Variants in SFI1 observed in about 807,000 individuals in gnomAD.
SFI1 encodes the protein protein SFI1 homolog.
SFI1 carries 195 observed loss-of-function variants against 207.5 expected under a neutral mutation model. The observed-to-expected ratio is 0.94, with a 90% CI of 0.84 to 1.06. The LOEUF (loss-of-function observed/expected upper bound fraction) is 1.06. Ranked by LOEUF, SFI1 falls within the 50% of genes least tolerant of loss-of-function variation. The pLI is 0.00. For missense variants in SFI1, 1,634 were observed against 1,588.0 expected (o/e 1.03, Z -0.49); for synonymous variants, 630 against 598.9 (o/e 1.05, Z -0.76).
At chr22:31,519,106 C>A (rs1358821383) in intron 2 of SFI1, among the ~76,000 whole-genome samples, 1 of 151,982 alleles carries the variant, frequency 6.6e-6, no homozygotes, top group Admixed American at 6.6e-5. Context: ...TTGTAATGCT[C>A]ATAAAAATAC....
In SFI1 at chr22:31,547,036, C is replaced by T. The variant is rs549820553; in HGVS notation, c.449+65C>T. On this transcript the variant is annotated intron_variant, in intron 5 of 32. Coordinates refer to ENST00000400288, the MANE Select transcript of SFI1 (RefSeq NM_001007467.3). ...ACATTATCAGATGATTATTTGTTGGCGTGTTTATGGTCAAAAGAAGCAAAC... is the reference window on the plus strand; with the variant it reads ...ACATTATCAGATGATTATTTGTTGGTGTGTTTATGGTCAAAAGAAGCAAAC... 92 of 1,215,958 alleles carry T rather than the reference C, an allele frequency of 7.6e-5. No homozygotes were observed. Among genetic ancestry groups the T allele is most frequent in the East Asian group, 2.3e-4 (9 of 39,548 alleles). The allele number at this position is 1,215,958 out of a possible 1,614,324, so 75.3% of individuals were successfully genotyped here.
chr22:31,575,700 T>C (rs1488459152), intron 10 of SFI1, among the ~76,000 whole-genome samples: 1 of 152,212 alleles, frequency 6.6e-6, no homozygotes, highest in East Asian at 1.9e-4. Context: ...CCCTCAGAGG[T>C]AATCCCACTT....
intron 31 of SFI1, among the ~76,000 whole-genome samples, 196 bp from the exon 32 acceptor site, chr22:31,617,919 G>C (rs182890722): frequency 1.3e-5 from 2 of 152,124 alleles, no homozygotes; most frequent in Non-Finnish European, 2.9e-5. Flanking sequence ...TGGGGAGGGC[G>C]GAGGAGACTG....
chr22:31,575,160 G>A, intron 9 of SFI1, 71 bp from the exon 10 acceptor site: 3 of 1,428,862 alleles, frequency 2.1e-6, no homozygotes. Flanking sequence ...GTGGGGTTCA[G>A]CTTGTCTTAA....
chr22:31,580,698 A>G (rs1392799752), intron 12 of SFI1, among the ~76,000 whole-genome samples: 1 of 151,760 alleles, frequency 6.6e-6, no homozygotes, highest in African/African-American at 2.4e-5. Flanking sequence ...ATGCGCCACT[A>G]CACCTTCCTA....
At chr22:31,544,536 T>C (rs145924900) in intron 4 of SFI1, among the ~76,000 whole-genome samples, 1,784 of 152,242 alleles carry the variant, frequency 0.012, 9 homozygotes, top group Middle Eastern at 0.031. Flanking sequence ...GAGGATCACC[T>C]GAGCTCAGGA....
chr22:31,546,620 G>A (rs1433104477), intron 4 of SFI1, among the ~76,000 whole-genome samples: 2 of 148,456 alleles, frequency 1.3e-5, no homozygotes, highest in African/African-American at 5.0e-5. Context: ...GCGCCCGACC[G>A]ATGTTTACTT....
In SFI1 at chr22:31,561,496, G is replaced by A. The variant is rs762149747; in HGVS notation, c.765+104G>A. Reference sequence around the variant, plus strand: ...CTTCCCTGCAGCTCAGGGCCTGAGAGGGGGTGGGGACAGAGGTAATCTGGA... The same window carrying A: ...CTTCCCTGCAGCTCAGGGCCTGAGAAGGGGTGGGGACAGAGGTAATCTGGA... On this transcript the variant is annotated intron_variant, in intron 8 of 32. Coordinates refer to ENST00000400288, the MANE Select transcript of SFI1 (RefSeq NM_001007467.3). The A allele has an allele frequency of 6.3e-6, 6 of 950,438 alleles. No homozygotes were observed. The South Asian group carries it at 9.8e-5, about 16-fold the overall frequency. The allele number at this position is 950,438 out of a possible 1,614,324, so 58.9% of individuals were successfully genotyped here.
rs528100514 is a variant in SFI1 at position 31,595,243 on chromosome 22, G to A, written c.1544+5666G>A. Among the ~76,000 whole-genome samples, 488 of 152,212 alleles carry A rather than the reference G, an allele frequency of 3.2e-3. 2 individuals are homozygous for A. Among genetic ancestry groups the A allele is most frequent in the African/African-American group, 0.011 (474 of 41,530 alleles). ...GAACTCCTGACCTCGTGATCCACCCGCCTTGGCCTCCCAAAGTGCTGGGAT... is the reference window on the plus strand; with the variant it reads ...GAACTCCTGACCTCGTGATCCACCCACCTTGGCCTCCCAAAGTGCTGGGAT... On this transcript the variant is annotated intron_variant, in intron 15 of 32. Coordinates refer to ENST00000400288, the MANE Select transcript of SFI1 (RefSeq NM_001007467.3).
At position 31,602,749 on chromosome 22, in the gene SFI1, G is replaced by C. The variant is rs1298472254; in HGVS notation, c.1769G>C (p.Cys590Ser). 6.2e-7 allele frequency: 1 copy of C among 1,614,040 alleles called. No individual in the cohort carries two copies. Among genetic ancestry groups the C allele is most frequent in the East Asian group, 2.2e-5 (1 of 44,872 alleles). ...HRHGRLKKAFCLWRESAQGLR... is the reference protein window; with the variant it reads ...HRHGRLKKAFSLWRESAQGLR... ...CACGGGCGGCTCAAGAAAGCTTTCTGCCTCTGGAGGGAAAGTGCCCAAGGG... is the reference window on the plus strand; with the variant it reads ...CACGGGCGGCTCAAGAAAGCTTTCTCCCTCTGGAGGGAAAGTGCCCAAGGG... The change falls in exon 17 of 33, where the codon TGC (cysteine) becomes TCC (serine). Residue 590 changes from cysteine to serine, a missense_variant. By Grantham distance (112) the Cys-to-Ser change is moderately radical. Coordinates refer to ENST00000400288, the MANE Select transcript of SFI1 (RefSeq NM_001007467.3).
At chr22:31,546,423 C>A (rs187361442) in intron 4 of SFI1, among the ~76,000 whole-genome samples, 2 of 151,876 alleles carry the variant, frequency 1.3e-5, no homozygotes, top group African/African-American at 2.4e-5. Context: ...CTCTGCCTCC[C>A]GGGTTCAAGC....
chr22:31,589,298 A>T, intron 14 of SFI1, 149 bp from the exon 15 acceptor site: 1 of 832,124 alleles, frequency 1.2e-6, no homozygotes, highest in Non-Finnish European at 1.7e-6. Context: ...TTTTTCACCT[A>T]GCATATTGGC....
chr22:31,549,347 T>G (rs1015758356), intron 5 of SFI1, among the ~76,000 whole-genome samples: 3 of 148,818 alleles, frequency 2.0e-5, no homozygotes, highest in African/African-American at 7.5e-5. Flanking sequence ...ATCATGGATT[T>G]TTTTTTTTTT....
chr22:31,538,090 G>A (rs1468600271), intron 4 of SFI1, among the ~76,000 whole-genome samples: 2 of 152,106 alleles, frequency 1.3e-5, no homozygotes, highest in East Asian at 3.9e-4. Context: ...TCCTGCCTCA[G>A]CCTGCCAAGT....
intron 12 of SFI1, among the ~76,000 whole-genome samples, chr22:31,582,204 T>TATATA (rs772735368): frequency 0.073 from 1,157 of 15,810 alleles, 298 homozygotes; most frequent in Non-Finnish European, 0.086. Context: ...CTTTATTACA[T>TATATA]TTTATATATA....
intron 15 of SFI1, among the ~76,000 whole-genome samples, chr22:31,589,807 G>A (rs1424342889): frequency 1.3e-5 from 2 of 151,068 alleles, no homozygotes; most frequent in African/African-American, 4.9e-5. Context: ...TTGTGTGTGT[G>A]TATATATGTA....
At chr22:31,583,677 A>G (rs935114097) in intron 12 of SFI1, among the ~76,000 whole-genome samples, 198 bp from the exon 13 acceptor site, 1 of 152,236 alleles carries the variant, frequency 6.6e-6, no homozygotes, top group East Asian at 1.9e-4. Flanking sequence ...AGACTGGAAG[A>G]ACCATCTTTT....
chr22:31,583,824 G>A, intron 12 of SFI1, 51 bp from the exon 13 acceptor site: 1 of 1,527,428 alleles, frequency 6.5e-7, no homozygotes, highest in Non-Finnish European at 9.1e-7. Flanking sequence ...AGGATTCACT[G>A]TTTTACCTTT....
chr22:31,576,410 T>C (rs2063510617), intron 10 of SFI1, among the ~76,000 whole-genome samples: 1 of 151,756 alleles, frequency 6.6e-6, no homozygotes, highest in South Asian at 2.1e-4. Flanking sequence ...AACCTCTGCC[T>C]CCCGGGTTCA....
Sources: allele counts gnomAD v4.1 joint callset (sites outside exome capture counted in the v4.1 genomes callset), GRCh38; gene constraint gnomAD v4.1.1; transcripts MANE v1.5; gene names NCBI Gene and HGNC (gene_info 2026-07-23, HGNC 2026-07-21).